ADGRG5: variants seen among roughly 807,000 people sequenced by gnomAD.
ADGRG5 encodes the protein adhesion G protein-coupled receptor G5.
Under a neutral mutation model 53.2 loss-of-function variants are expected in ADGRG5, and 37 were observed. That is an observed-to-expected ratio of 0.70 (90% CI 0.53 to 0.91). The LOEUF is 0.91. ADGRG5 is among the 40% of genes least tolerant of loss of function. The pLI is 0.00. For missense variants in ADGRG5, 614 were observed against 675.8 expected (o/e 0.91, Z 1.01); for synonymous variants, 277 against 290.4 (o/e 0.95, Z 0.47).
At chr16:57,575,142 G>C (rs1257102506) in intron 11 of ADGRG5, 50 bp downstream of exon 11, 1 of 1,567,490 alleles carries the variant, frequency 6.4e-7, no homozygotes, top group Non-Finnish European at 8.6e-7. Context: ...GGGGTGTATG[G>C]CTGGTGGGAT....
chr16:57,532,885 T>C, the ADGRG5 span, among the ~76,000 whole-genome samples: 7 of 152,132 alleles, frequency 4.6e-5, no homozygotes, highest in South Asian at 8.3e-4. Context: ...GTGCTGGGTA[T>C]GGGGGCCCGG....
At chr16:57,538,504 G>A (rs57144067), upstream of ADGRG5, among the ~76,000 whole-genome samples, 5,437 of 152,262 alleles carry the variant, frequency 0.036, 311 homozygotes, top group African/African-American at 0.12. Flanking sequence ...AACTTGGGAG[G>A]CAGAGGCCAG....
the ADGRG5 span, among the ~76,000 whole-genome samples, chr16:57,532,598 G>C: frequency 1.3e-5 from 2 of 152,102 alleles, no homozygotes; most frequent in Non-Finnish European, 2.9e-5. Context: ...AGAGACATTT[G>C]CCTGTAGACA....
intron 3 of ADGRG5, 88 bp downstream of exon 3, chr16:57,562,547 C>T (rs2033029811): frequency 1.2e-6 from 1 of 858,954 alleles, no homozygotes. Context: ...CTGTGCATTT[C>T]TTCAGCACTT....
At chr16:57,533,758 T>A in the ADGRG5 span, among the ~76,000 whole-genome samples, 2 of 151,956 alleles carry the variant, frequency 1.3e-5, no homozygotes, top group East Asian at 3.9e-4. Context: ...ACGTGCACAC[T>A]CACACACAGC....
chr16:57,576,766 G>A lies in ADGRG5; in HGVS notation c.*1228G>A, dbSNP rs1212295093. On this transcript the variant is annotated 3_prime_UTR_variant, in exon 12 of 12. Transcript: ENST00000349457. ...TTTCCCAATGCGGCGGTGCACTTTC[G>A]CTCTTGGGGGCTGCACCCCAGACAT... is the stretch of plus-strand genomic sequence containing the variant. 4 of 152,188 alleles carry A rather than the reference G, an allele frequency of 2.6e-5. No homozygotes were observed. Among genetic ancestry groups the A allele is most frequent in the Admixed American group, 6.5e-5 (1 of 15,282 alleles). 9.4% of individuals were successfully genotyped at this position (152,188 alleles called of 1,614,324 possible).
In ADGRG5 at chr16:57,554,619, G is replaced by A. The variant is rs112754427; in HGVS notation, c.-38-7437G>A. Among the ~76,000 whole-genome samples, 794 of 152,104 alleles carry A rather than the reference G, an allele frequency of 5.2e-3. 6 individuals carry two copies. The highest frequency in any genetic ancestry group is 0.016 in the African/African-American group (656 of 41,508). ...TCTCAATCTCCTGACTTTGTGATCC[G>A]CCCACCTTGGCCTCCCAAAGTGCTG... is the stretch of plus-strand genomic sequence containing the variant. On this transcript the variant is annotated intron_variant, in intron 1 of 11. Transcript: ENST00000349457.
intron 1 of ADGRG5, among the ~76,000 whole-genome samples, chr16:57,552,104 A>G (rs1290721365): frequency 2.6e-5 from 4 of 151,958 alleles, no homozygotes; most frequent in Non-Finnish European, 4.4e-5. Context: ...ATAGATTGCT[A>G]TCATCCAGGC....
chr16:57,529,108 G>T, the ADGRG5 span: 10 of 1,181,554 alleles, frequency 8.5e-6, no homozygotes, highest in East Asian at 3.7e-4. This position sits in a 1 kb window ranked among gnomAD's most constrained non-coding sequence, Gnocchi z 4.1. Flanking sequence ...GGGCTGCCCA[G>T]GATGGTCAGG....
chr16:57,551,710 A>G (rs1309725305), intron 1 of ADGRG5, among the ~76,000 whole-genome samples: 1 of 152,206 alleles, frequency 6.6e-6, no homozygotes, highest in African/African-American at 2.4e-5. Flanking sequence ...ACTCCTGTTA[A>G]TGTTGATATT....
At position 57,576,559 on chromosome 16, in the gene ADGRG5, C is replaced by G. The variant is rs1406957221; in HGVS notation, c.*1021C>G. On this transcript the variant is annotated 3_prime_UTR_variant, in exon 12 of 12. Transcript: ENST00000349457. ...TGCGTTTCCCAGAACGAACACTAGG[C>G]GGCACCGTTGGTCCACACTCAGAGG... 1 of 152,130 alleles carries G rather than the reference C, an allele frequency of 6.6e-6. No individual in the cohort carries two copies. Among genetic ancestry groups the G allele is most frequent in the African/African-American group, 2.4e-5 (1 of 41,402 alleles). The allele number at this position is 152,130 out of a possible 1,614,324, so 9.4% of individuals were successfully genotyped here.
intron 10 of ADGRG5, among the ~76,000 whole-genome samples, chr16:57,573,014 C>T (rs1411386519): frequency 6.6e-6 from 1 of 152,212 alleles, no homozygotes; most frequent in African/African-American, 2.4e-5. Context: ...TGAGTTTCCT[C>T]ATCTGCAGGA....
rs200541704 is a variant in ADGRG5, at chr16:57,568,172, G to A, written c.1090+48G>A. 4.4e-6 allele frequency: 7 copies of A among 1,594,392 alleles called. No homozygotes were observed. The Admixed American group carries it at 1.2e-4, about 27-fold the overall frequency. ...CCTCCTCAGACTTCCAGGTGGGCAGGGTATTGATCCCCTTTAGTCCTTTCT... is the reference window on the plus strand; with the variant it reads ...CCTCCTCAGACTTCCAGGTGGGCAGAGTATTGATCCCCTTTAGTCCTTTCT... On this transcript the variant is annotated intron_variant, in intron 9 of 11. Transcript: ENST00000349457.
At chr16:57,557,256 A>G (rs1451548879) in intron 1 of ADGRG5, among the ~76,000 whole-genome samples, 1 of 152,142 alleles carries the variant, frequency 6.6e-6, no homozygotes, top group Non-Finnish European at 1.5e-5. Context: ...GGAGTTTTAG[A>G]ATGACAGATT....
At chr16:57,547,543 C>T (rs1435684944) in intron 1 of ADGRG5, among the ~76,000 whole-genome samples, 1 of 152,220 alleles carries the variant, frequency 6.6e-6, no homozygotes, top group African/African-American at 2.4e-5. Context: ...CTACTGGGTT[C>T]AAGCGATTCT....
At chr16:57,543,109 A>G (rs1022299001) in intron 1 of ADGRG5, 3 of 152,044 alleles carry the variant, frequency 2.0e-5, no homozygotes, top group Non-Finnish European at 4.4e-5. Flanking sequence ...GTGCTTGGCA[A>G]TCTGGAGCAG....
chr16:57,563,969 A>G lies in ADGRG5; in HGVS notation c.419A>G (p.His140Arg). The G allele has an allele frequency of 1.2e-6, 2 of 1,612,272 alleles. No individual in the cohort carries two copies. The highest frequency in any genetic ancestry group is 2.2e-5 in the East Asian group (1 of 44,796). ...ATCTGTATCTACTTCTCCAACACCCACTTTTTCAAGGTCAGTGTGATGGCG... is the reference window on the plus strand; with the variant it reads ...ATCTGTATCTACTTCTCCAACACCCGCTTTTTCAAGGTCAGTGTGATGGCG... ...RLICIYFSNTHFFKDENNSSL... is the reference protein window; with the variant it reads ...RLICIYFSNTRFFKDENNSSL... Residue 140 changes from histidine to arginine, a missense_variant, in exon 5 of 12, where the codon CAC becomes CGC. Coordinates refer to ENST00000349457, the MANE Select transcript of ADGRG5 (RefSeq NM_001304376.3).
rs761674017 is a variant in ADGRG5, at chr16:57,567,582, T to A, written c.812T>A (p.Phe271Tyr). The change falls in exon 8 of 12, where the codon TTC becomes TAC. Residue 271 changes from phenylalanine (F) to tyrosine (Y), a missense_variant. Coordinates refer to ENST00000349457, the MANE Select transcript of ADGRG5 (RefSeq NM_001304376.3). ...TCGCTGATCACAGTCCTGCTGCACTTCCATTTCAGGTATTCCGCTGCCACA... is the reference window on the plus strand; with the variant it reads ...TCGCTGATCACAGTCCTGCTGCACTACCATTTCAGGTATTCCGCTGCCACA... ...VASLITVLLH[F>Y]HFRKQSDSLT... 6.8e-6 allele frequency: 11 copies of A among 1,610,576 alleles called. No homozygotes were observed. Among genetic ancestry groups the A allele is most frequent in the Non-Finnish European group, 7.6e-6 (9 of 1,179,874 alleles).
chr16:57,569,952 C>T (rs1313234338), intron 9 of ADGRG5, among the ~76,000 whole-genome samples: 1 of 151,874 alleles, frequency 6.6e-6, no homozygotes, highest in Non-Finnish European at 1.5e-5. Flanking sequence ...TCAGCACCAT[C>T]ATCACCTCCT....
Sources: gnomAD v4.1 joint callset for allele counts (sites outside exome capture counted in the v4.1 genomes callset) on GRCh38, gnomAD v4.1.1 for gene constraint, Gnocchi (gnomAD v3.1) non-coding constraint, MANE v1.5 for transcripts, NCBI Gene and HGNC (gene_info 2026-07-23, HGNC 2026-07-21) for gene names.